PM20D2: variants seen among roughly 807,000 people sequenced by gnomAD.
The protein encoded by PM20D2 is peptidase M20 domain containing 2.
PM20D2 carries 33 observed loss-of-function variants against 42.9 expected under a neutral mutation model. The ratio of observed to expected loss-of-function variants is 0.77; its 90% CI spans 0.58 to 1.03. The LOEUF is 1.03. PM20D2 is among the 50% of genes least tolerant of loss of function. The pLI, the probability that PM20D2 is intolerant of heterozygous loss-of-function variation, is 0.00. For synonymous variants in PM20D2, 250 were observed against 228.2 expected (o/e 1.10, Z -0.86); for missense variants, 548 against 557.0 (o/e 0.98, Z 0.16).
At chr6:89,105,367 C>G in the PM20D2 span, 1 of 1,560,722 alleles carries the variant, frequency 6.4e-7, no homozygotes, top group African/African-American at 1.4e-5. Context: ...ATTAAAAAAT[C>G]AGTCATCACT....
the PM20D2 span, among the ~76,000 whole-genome samples, chr6:89,109,005 T>C: frequency 6.6e-6 from 1 of 152,228 alleles, no homozygotes; most frequent in African/African-American, 2.4e-5. Flanking sequence ...GTCTTTTTTC[T>C]TTTACTTATT....
chr6:89,104,016 T>TTTTG, the PM20D2 span, among the ~76,000 whole-genome samples: 219 of 69,904 alleles, frequency 3.1e-3, 4 homozygotes, highest in East Asian at 0.047. Flanking sequence ...TTTTTTTTTT[T>TTTTG]TGGAGAGACG....
At chr6:89,113,371 A>G in the PM20D2 span, among the ~76,000 whole-genome samples, 1 of 152,034 alleles carries the variant, frequency 6.6e-6, no homozygotes, top group Non-Finnish European at 1.5e-5. Flanking sequence ...ACAGGGTTTC[A>G]CCATATTGGC....
At chr6:89,124,519 G>C in the PM20D2 span, among the ~76,000 whole-genome samples, 2 of 152,130 alleles carry the variant, frequency 1.3e-5, no homozygotes, top group Non-Finnish European at 1.5e-5. Context: ...CTCTGGCGGG[G>C]AGTACTAGGA....
At chr6:89,126,561 A>C in the PM20D2 span, among the ~76,000 whole-genome samples, 1 of 151,584 alleles carries the variant, frequency 6.6e-6, no homozygotes, top group Non-Finnish European at 1.5e-5. Context: ...GCAGGCGCCT[A>C]TAATCCCAGC....
the PM20D2 span, among the ~76,000 whole-genome samples, chr6:89,136,234 A>G: frequency 6.6e-6 from 1 of 151,218 alleles, no homozygotes; most frequent in African/African-American, 2.5e-5. Context: ...GTTCCCAAGT[A>G]TCTTACTGAC....
Position 89,146,532 on chromosome 6 carries a change from G to T in PM20D2, c.388G>T (p.Ala130Ser), listed in dbSNP as rs370380359. 79 of 1,509,704 alleles carry T rather than the reference G, an allele frequency of 5.2e-5. 5 individuals are homozygous for T. Among genetic ancestry groups the T allele is most frequent in the East Asian group, 2.9e-4 (11 of 37,972 alleles). 93.5% of individuals were successfully genotyped at this position (1,509,704 alleles called of 1,614,324 possible). A position where few individuals can be genotyped will look rare whatever the true frequency, so the allele number is the denominator to read the frequency against. The change falls in exon 1 of 7, where the codon GCT (alanine) becomes TCT (serine). Residue 130 changes from alanine (A) to serine (S), a missense_variant. By Grantham distance (99) the Ala-to-Ser change is moderately conservative (BLOSUM62 1). This residue lies in a region of PM20D2 where 470 missense variants were observed against 464.4 expected (regional missense o/e 1.01). Transcript: ENST00000275072. ...CCACGCCTGCGGCCACAACCTCATCGCTGAGGTCGGGGCGGCGGCCGCGCT... is the reference window on the plus strand; with the variant it reads ...CCACGCCTGCGGCCACAACCTCATCTCTGAGGTCGGGGCGGCGGCCGCGCT... ...IGHACGHNLI[A>S]EVGAAAALGV...
chr6:89,147,874 C>T (rs995070335), intron 1 of PM20D2, among the ~76,000 whole-genome samples: 1 of 149,384 alleles, frequency 6.7e-6, no homozygotes, highest in East Asian at 2.0e-4. Context: ...TCCTGGGCAA[C>T]AGAGCGAGGC....
the PM20D2 span, among the ~76,000 whole-genome samples, chr6:89,118,259 C>T: frequency 6.6e-6 from 1 of 152,132 alleles, no homozygotes; most frequent in Non-Finnish European, 1.5e-5. Context: ...CAAGAGGGGG[C>T]TTGAGGCCGC....
chr6:89,117,040 C>A, the PM20D2 span, among the ~76,000 whole-genome samples: 1 of 152,016 alleles, frequency 6.6e-6, no homozygotes, highest in African/African-American at 2.4e-5. Flanking sequence ...CCTCTCCCCC[C>A]GCCCCCAATT....
chr6:89,138,988 A>G, the PM20D2 span, among the ~76,000 whole-genome samples: 3 of 152,246 alleles, frequency 2.0e-5, no homozygotes, highest in Non-Finnish European at 4.4e-5. Context: ...GAAGTCAGGT[A>G]GCTTACAATA....
chr6:89,108,184 AG>A, the PM20D2 span, among the ~76,000 whole-genome samples: 1 of 152,228 alleles, frequency 6.6e-6, no homozygotes, highest in Non-Finnish European at 1.5e-5. Context: ...ACCAAAAAAA[AG>A]AAACAGCATG....
the PM20D2 span, among the ~76,000 whole-genome samples, chr6:89,130,815 TCTTC>T: frequency 1.5e-5 from 2 of 131,174 alleles, no homozygotes; most frequent in African/African-American, 2.9e-5. Context: ...TCTGGCTTCT[TCTTC>T]TTTTTTTTTT....
the PM20D2 span, among the ~76,000 whole-genome samples, chr6:89,126,085 C>CAA: frequency 1.5e-5 from 2 of 136,156 alleles, no homozygotes. Context: ...AACTCTGTCT[C>CAA]AAAAAAAAAA....
intron 4 of PM20D2, 64 bp from the exon 5 acceptor site, chr6:89,158,261 T>A (rs9344910): frequency 7.0e-7 from 1 of 1,426,614 alleles, no homozygotes; most frequent in Non-Finnish European, 9.5e-7. Flanking sequence ...CAATCACTGG[T>A]TTGAAAATTA....
chr6:89,150,165 T>C (rs1770779244), intron 2 of PM20D2, among the ~76,000 whole-genome samples: 1 of 152,206 alleles, frequency 6.6e-6, no homozygotes, highest in Admixed American at 6.5e-5. Flanking sequence ...GCAGTGCTTC[T>C]AGATTGTACC....
At chr6:89,096,929 T>C in the PM20D2 span, 5 of 152,262 alleles carry the variant, frequency 3.3e-5, no homozygotes, top group African/African-American at 7.2e-5. Flanking sequence ...CACATAATTT[T>C]ATAACTAAAT....
At chr6:89,124,112 T>C in the PM20D2 span, among the ~76,000 whole-genome samples, 1 of 151,764 alleles carries the variant, frequency 6.6e-6, no homozygotes, top group South Asian at 2.1e-4. Context: ...CCAAGCCTGC[T>C]CTCTCTTATA....
At chr6:89,094,555 G>A in the PM20D2 span, among the ~76,000 whole-genome samples, 1 of 152,102 alleles carries the variant, frequency 6.6e-6, no homozygotes, top group African/African-American at 2.4e-5. Flanking sequence ...CTATTTACTA[G>A]TTTATAAACA....
Sources: gnomAD v4.1 joint callset for allele counts (sites outside exome capture counted in the v4.1 genomes callset) on GRCh38, gnomAD v4.1.1 for gene constraint, gnomAD v4.1.1 regional missense constraint, MANE v1.5 for transcripts, NCBI Gene and HGNC (gene_info 2026-07-23, HGNC 2026-07-21) for gene names.